Variants in KLHL13 observed in about 807,000 individuals in gnomAD.
KLHL13 encodes kelch-like protein 13.
A neutral mutation model predicts 37.1 loss-of-function variants in KLHL13; 10 were observed. That is an observed-to-expected ratio of 0.27 (90% CI 0.17 to 0.46). The LOEUF (loss-of-function observed/expected upper bound fraction) is 0.46. Among genes scored for constraint, KLHL13 ranks in the 20% least tolerant of loss-of-function variants. The pLI is 1.00. For synonymous variants in KLHL13, 163 were observed against 181.2 expected (o/e 0.90, Z 0.81); for missense variants, 360 against 509.3 (o/e 0.71, Z 2.82).
chrX:118,002,051 C>G (rs992929304), intron 1 of KLHL13, among the ~76,000 whole-genome samples: 1 of 110,975 alleles, frequency 9.0e-6, no homozygotes, highest in African/African-American at 3.3e-5. Flanking sequence ...AGTGCGGTAA[C>G]AGTTAAAGAG....
intron 2 of KLHL13, among the ~76,000 whole-genome samples, chrX:117,941,054 C>T (rs1338384071): frequency 1.8e-5 from 2 of 111,837 alleles, no homozygotes; most frequent in Non-Finnish European, 3.8e-5. Flanking sequence ...AGCTTTTGCC[C>T]ATTCGGTATA....
chrX:118,041,881 G>A (rs188866898), intron 1 of KLHL13, among the ~76,000 whole-genome samples: 3 of 111,797 alleles, frequency 2.7e-5, no homozygotes, highest in East Asian at 5.6e-4. Flanking sequence ...TTGAATCTAC[G>A]TGACTAAATC....
intron 1 of KLHL13, among the ~76,000 whole-genome samples, chrX:117,999,977 CTTCT>C (rs2053901355): frequency 8.9e-6 from 1 of 111,768 alleles, no homozygotes; most frequent in South Asian, 3.8e-4. Flanking sequence ...TACATAACTT[CTTCT>C]TTAAGATTAT....
intron 1 of KLHL13, among the ~76,000 whole-genome samples, chrX:118,093,218 A>G (rs2055159197): frequency 8.9e-6 from 1 of 112,166 alleles, no homozygotes; most frequent in Non-Finnish European, 1.9e-5. Context: ...ATGGCTAGAA[A>G]GATAAATTTG....
intron 1 of KLHL13, among the ~76,000 whole-genome samples, chrX:117,966,664 A>G (rs1291630623): frequency 4.5e-5 from 5 of 111,203 alleles, no homozygotes; most frequent in East Asian, 2.8e-4. Context: ...AAACTATACT[A>G]CAAGGCTACA....
chrX:117,954,132 C>G (rs1276726346), intron 1 of KLHL13, among the ~76,000 whole-genome samples: 1 of 111,688 alleles, frequency 9.0e-6, no homozygotes, highest in Non-Finnish European at 1.9e-5. Flanking sequence ...GTTAATTACC[C>G]AAATCAAAAG....
At chrX:117,910,064 C>A (rs377177650) in exon 5 of KLHL13, 1 of 1,184,215 alleles carries the variant, frequency 8.4e-7, no homozygotes, top group African/African-American at 1.8e-5. Flanking sequence ...TGTTGGCAAT[C>A]CGTCCAACTT....
chrX:118,074,591 G>A (rs753459177), intron 1 of KLHL13, among the ~76,000 whole-genome samples: 3 of 111,560 alleles, frequency 2.7e-5, no homozygotes, highest in African/African-American at 9.8e-5. Flanking sequence ...TATGACCATG[G>A]CAAACATTTT....
At chrX:118,081,806 T>C (rs1358659170) in intron 1 of KLHL13, among the ~76,000 whole-genome samples, 1 of 110,979 alleles carries the variant, frequency 9.0e-6, no homozygotes. Flanking sequence ...AGTCAACTTT[T>C]GTATATGAGT....
At chrX:117,910,353 T>C (rs1930897274) in intron 4 of KLHL13, among the ~76,000 whole-genome samples, 1 of 111,347 alleles carries the variant, frequency 9.0e-6, no homozygotes, top group Admixed American at 9.6e-5. Flanking sequence ...AGAAACAATG[T>C]TATAACTGGA....
intron 1 of KLHL13, among the ~76,000 whole-genome samples, chrX:118,021,897 C>G (rs1481115136): frequency 1.8e-5 from 2 of 111,578 alleles, no homozygotes; most frequent in Non-Finnish European, 3.8e-5. Flanking sequence ...TCTCCAGCAC[C>G]TGTTGTTTCC....
intron 1 of KLHL13, among the ~76,000 whole-genome samples, chrX:118,040,071 G>A (rs2054491768): frequency 9.0e-6 from 1 of 111,554 alleles, no homozygotes; most frequent in Non-Finnish European, 1.9e-5. Context: ...TATAGCCACA[G>A]TGACCAAAGA....
intron 1 of KLHL13, among the ~76,000 whole-genome samples, chrX:118,017,511 G>C (rs2054139964): frequency 9.0e-6 from 1 of 111,405 alleles, no homozygotes; most frequent in Non-Finnish European, 1.9e-5. Flanking sequence ...TCAGGCAAAA[G>C]ATGAGAGTAG....
intron 1 of KLHL13, among the ~76,000 whole-genome samples, chrX:118,081,110 GA>G (rs1313070082): frequency 9.0e-6 from 1 of 111,455 alleles, no homozygotes; most frequent in Admixed American, 9.6e-5. Flanking sequence ...TGGACTACTA[GA>G]GGGGTGAGGG....
upstream of KLHL13, chrX:117,973,890 T>G: frequency 5.7e-6 from 1 of 176,052 alleles, no homozygotes. Flanking sequence ...CCAACACTGC[T>G]GGCCAAGCAG....
chrX:117,926,772 AC>A (rs1008001333), intron 2 of KLHL13, among the ~76,000 whole-genome samples: 1 of 102,685 alleles, frequency 9.7e-6, no homozygotes, highest in South Asian at 5.0e-4. Flanking sequence ...ACCTCACCCC[AC>A]CCCCTATCTT....
chrX:117,923,965 G>A (rs775154090), intron 2 of KLHL13, among the ~76,000 whole-genome samples: 7 of 111,613 alleles, frequency 6.3e-5, no homozygotes, highest in South Asian at 3.7e-4. Context: ...TTTATTCCAC[G>A]CTTAATGTAT....
chrX:117,922,256 G>A (rs1290181404), intron 2 of KLHL13, among the ~76,000 whole-genome samples: 1 of 110,749 alleles, frequency 9.0e-6, no homozygotes, highest in Non-Finnish European at 1.9e-5. Flanking sequence ...GCGCGATCTC[G>A]GCATTGATAT....
intron 1 of KLHL13, among the ~76,000 whole-genome samples, chrX:118,080,798 T>A (rs1312174559): frequency 8.9e-6 from 1 of 111,840 alleles, no homozygotes; most frequent in Non-Finnish European, 1.9e-5. Flanking sequence ...ATGCCAAAAA[T>A]ACACGTGCAC....
Sources: gnomAD v4.1 joint callset for allele counts (sites outside exome capture counted in the v4.1 genomes callset) on GRCh38, gnomAD v4.1.1 for gene constraint, MANE v1.5 for transcripts, NCBI Gene and HGNC (gene_info 2026-07-23, HGNC 2026-07-21) for gene names.